SAMSN1: variants seen among roughly 807,000 people sequenced by gnomAD.
The protein encoded by SAMSN1 is SAM domain-containing protein SAMSN-1.
Under a neutral mutation model 42.0 loss-of-function variants are expected in SAMSN1, and 31 were observed. That is an observed-to-expected ratio of 0.74 (90% CI 0.55 to 1.00). The LOEUF (loss-of-function observed/expected upper bound fraction) is 1.00. SAMSN1 is among the 50% of genes least tolerant of loss of function. The pLI is 0.00. For missense variants in SAMSN1, 464 were observed against 439.4 expected, an observed-to-expected ratio of 1.06 and a Z score of -0.50; for synonymous variants, 178 against 151.9, an observed-to-expected ratio of 1.17 and a Z score of -1.26.
intron 2 of SAMSN1, among the ~76,000 whole-genome samples, chr21:14,551,793 C>T (rs1374947214): frequency 6.6e-6 from 1 of 151,976 alleles, no homozygotes; most frequent in African/African-American, 2.4e-5. Context: ...TGAGCTGGTA[C>T]TAATATTATC....
chr21:14,644,324 C>A (rs1983667246), intron 1 of SAMSN1, among the ~76,000 whole-genome samples: 13 of 150,538 alleles, frequency 8.6e-5, no homozygotes, highest in Admixed American at 8.6e-4. Flanking sequence ...TCGAGGGTAC[C>A]AGCTCAGCCA....
chr21:14,581,093 C>G (rs1390659786), intron 2 of SAMSN1, among the ~76,000 whole-genome samples: 1 of 152,026 alleles, frequency 6.6e-6, no homozygotes, highest in Admixed American at 6.6e-5. Flanking sequence ...AGTAGCACAG[C>G]CAGAATCCAT....
intron 6 of SAMSN1, among the ~76,000 whole-genome samples, chr21:14,600,123 T>C (rs1199518458): frequency 1.3e-5 from 2 of 152,166 alleles, no homozygotes; most frequent in African/African-American, 4.8e-5. Context: ...ACTTATCTGA[T>C]AGTCATTTGT....
chr21:14,588,961 T>G (rs1023900425), intron 7 of SAMSN1, among the ~76,000 whole-genome samples: 5 of 152,184 alleles, frequency 3.3e-5, no homozygotes, highest in African/African-American at 1.2e-4. Flanking sequence ...TAATTTTTCA[T>G]ATGTATATAT....
At chr21:14,519,005 T>TAGA (rs1338176449) in intron 2 of SAMSN1, among the ~76,000 whole-genome samples, 8 of 152,204 alleles carry the variant, frequency 5.3e-5, no homozygotes, top group African/African-American at 1.9e-4. Context: ...CAGGTTTTTC[T>TAGA]AGCGTTATTT....
intron 6 of SAMSN1, among the ~76,000 whole-genome samples, chr21:14,600,438 T>C (rs1166013986): frequency 2.0e-5 from 3 of 152,184 alleles, no homozygotes; most frequent in Non-Finnish European, 2.9e-5. Flanking sequence ...ATTTTTAGAT[T>C]AGATGGCTCC....
intron 5 of SAMSN1, among the ~76,000 whole-genome samples, chr21:14,506,028 A>G (rs1381257309): frequency 6.6e-6 from 1 of 152,130 alleles, no homozygotes. Context: ...GAACTGAACA[A>G]CAATAGTGAC....
chr21:14,599,674 C>T (rs535351543), intron 6 of SAMSN1, among the ~76,000 whole-genome samples: 1 of 152,138 alleles, frequency 6.6e-6, no homozygotes, highest in African/African-American at 2.4e-5. Context: ...AGGGGTGCAC[C>T]TCTCCCTGCC....
chr21:14,631,583 T>A (rs1047396488), intron 2 of SAMSN1, among the ~76,000 whole-genome samples: 1 of 152,118 alleles, frequency 6.6e-6, no homozygotes, highest in African/African-American at 2.4e-5. Context: ...GCCAGACTGG[T>A]CTCAAACTCC....
At chr21:14,618,800 T>C (rs944561784) in intron 2 of SAMSN1, among the ~76,000 whole-genome samples, 12 of 152,290 alleles carry the variant, frequency 7.9e-5, no homozygotes, top group Admixed American at 3.9e-4. Context: ...AGTCCTTTAA[T>C]TTGACATTTG....
At chr21:14,537,019 G>A (rs1363763990) in intron 1 of SAMSN1, among the ~76,000 whole-genome samples, 1 of 152,150 alleles carries the variant, frequency 6.6e-6, no homozygotes, top group Non-Finnish European at 1.5e-5. Context: ...ACTCCCTTCA[G>A]TATATTTGAA....
intron 7 of SAMSN1, among the ~76,000 whole-genome samples, chr21:14,491,711 T>A (rs1266472561): frequency 6.6e-6 from 1 of 152,196 alleles, no homozygotes; most frequent in East Asian, 1.9e-4. Flanking sequence ...AAGCCTCCCT[T>A]GTCACATGAA....
At position 14,594,069 on chromosome 21, in the gene SAMSN1, C is replaced by A. The variant is rs1427141864; in HGVS notation, c.409G>T (p.Glu137Ter). Residue 137 changes from glutamate (E) to a stop codon, truncating the protein, a stop_gained, in exon 7 of 16, where the codon GAA becomes TAA. Coordinates refer to the SAMSN1 transcript ENST00000647101. LOFTEE classifies it high-confidence loss of function. ...TGATAGTGAAATGGACTCCAACATTCAGAGGTCACCTTAGAAATTAGAAAA... is the reference window on the plus strand; with the variant it reads ...TGATAGTGAAATGGACTCCAACATTAAGAGGTCACCTTAGAAATTAGAAAA... 1.7e-5 allele frequency: 12 copies of A among 712,142 alleles called. No individual in the cohort carries two copies. In the Admixed American group the frequency reaches 2.4e-4, roughly 14 times the overall value. 44.1% of individuals were successfully genotyped at this position (712,142 alleles called of 1,614,324 possible).
At chr21:14,515,599 A>G (rs1987879669) in intron 3 of SAMSN1, among the ~76,000 whole-genome samples, 1 of 152,190 alleles carries the variant, frequency 6.6e-6, no homozygotes, top group Non-Finnish European at 1.5e-5. Context: ...GGTTTGTTAA[A>G]TATGTTACCA....
At chr21:14,639,980 C>T (rs746093376) in intron 2 of SAMSN1, among the ~76,000 whole-genome samples, 8 of 152,122 alleles carry the variant, frequency 5.3e-5, no homozygotes, top group Non-Finnish European at 8.8e-5. Context: ...TAGGCATTTA[C>T]GATGATGTAT....
chr21:14,613,382 G>A (rs1288094445), intron 3 of SAMSN1, among the ~76,000 whole-genome samples: 1 of 152,112 alleles, frequency 6.6e-6, no homozygotes. Flanking sequence ...GGATCCATGT[G>A]ATACCATCTG....
intron 1 of SAMSN1, among the ~76,000 whole-genome samples, chr21:14,521,836 T>G (rs1198874669): frequency 6.6e-6 from 1 of 151,736 alleles, no homozygotes; most frequent in Non-Finnish European, 1.5e-5. Context: ...GTAACAAACC[T>G]GTACATCCTG....
intron 4 of SAMSN1, 32 bp downstream of exon 4, chr21:14,512,412 C>A: frequency 1.9e-6 from 3 of 1,608,512 alleles, no homozygotes; most frequent in Non-Finnish European, 2.6e-6. Context: ...GACCTCACAC[C>A]CAGGATCTTG....
At chr21:14,506,755 G>T (rs1357131817) in intron 5 of SAMSN1, among the ~76,000 whole-genome samples, 2 of 152,098 alleles carry the variant, frequency 1.3e-5, no homozygotes, top group Non-Finnish European at 2.9e-5. Flanking sequence ...GAAAACTACA[G>T]ACCAATATCC....
Sources: gnomAD v4.1 joint callset for allele counts (sites outside exome capture counted in the v4.1 genomes callset) on GRCh38, gnomAD v4.1.1 for gene constraint, MANE v1.5 for transcripts, NCBI Gene and HGNC (gene_info 2026-07-23, HGNC 2026-07-21) for gene names.